Variants in ANO7 observed in about 807,000 individuals in gnomAD.
ANO7 encodes the protein anoctamin-7.
Under a neutral mutation model 115.8 loss-of-function variants are expected in ANO7, and 114 were observed. That is an observed-to-expected ratio of 0.98 (90% CI 0.85 to 1.15). The LOEUF is 1.15. Ranked by LOEUF, ANO7 falls within the 50% of genes most tolerant of loss-of-function variation. The pLI, the probability that ANO7 is intolerant of heterozygous loss-of-function variation, is 0.00. For synonymous variants in ANO7, 550 were observed against 498.2 expected (o/e 1.10, Z -1.38); for missense variants, 1,302 against 1,201.2 (o/e 1.08, Z -1.24).
intron 10 of ANO7, 58 bp downstream of exon 10, chr2:241,205,013 G>C: frequency 6.6e-7 from 1 of 1,514,466 alleles, no homozygotes; most frequent in East Asian, 2.3e-5. Context: ...GATGGGTGTG[G>C]GGCGGGGGGA....
rs1287668486 is a variant in ANO7 at position 241,209,646 on chromosome 2, C to A, written c.1359+11C>A. 4 of 1,528,340 alleles carry A rather than the reference C, an allele frequency of 2.6e-6. No homozygotes were observed. Among genetic ancestry groups the A allele is most frequent in the Non-Finnish European group, 3.5e-6 (4 of 1,141,150 alleles). The allele number at this position is 1,528,340 out of a possible 1,614,324, so 94.7% of individuals were successfully genotyped here. ...GTGATCGTGGTGATGGTATGCGGTC[C>A]CCCTGCCCTCCGCTCACGCCTCCAT... On this transcript the variant is annotated intron_variant, in intron 13 of 24. Transcript: ENST00000674324.
chr2:241,236,975 C>A, the ANO7 span, among the ~76,000 whole-genome samples: 1 of 14,836 alleles, frequency 6.7e-5, no homozygotes, highest in Admixed American at 5.8e-4. Flanking sequence ...GCTCCCAGAC[C>A]TTGGGGGGGG....
chr2:241,202,272 G>A lies in ANO7; in HGVS notation c.691G>A (p.Gly231Ser). The change falls in exon 8 of 25, where the codon GGT (glycine) becomes AGT (serine). Residue 231 changes from glycine to serine, a missense_variant. Gly to Ser is a moderately conservative substitution (Grantham distance 56). Coordinates refer to ENST00000674324, the MANE Select transcript of ANO7 (RefSeq NM_001370694.2). The part of the protein sequence containing the change: ...LLGIHQLLAE[G>S]VLSAAFPLHD... Reference sequence around the variant, plus strand: ...TGGGATCCACCAGCTGCTGGCAGAGGGTGTCCTCAGTGCCGCCTTCCCCCT... The same window carrying A: ...TGGGATCCACCAGCTGCTGGCAGAGAGTGTCCTCAGTGCCGCCTTCCCCCT... 1.9e-6 allele frequency: 3 copies of A among 1,613,454 alleles called. No individual in the cohort carries two copies. The highest frequency in any genetic ancestry group is 2.5e-6 in the Non-Finnish European group (3 of 1,179,978).
chr2:241,239,378 T>C, the ANO7 span, among the ~76,000 whole-genome samples: 47 of 149,466 alleles, frequency 3.1e-4, 1 homozygote, highest in Non-Finnish European at 4.3e-4. The surrounding 1 kb of genome is among the most constrained non-coding windows in gnomAD (Gnocchi z 4.6). Flanking sequence ...CTCTCTCTCT[T>C]TTTTTTTTTA....
the ANO7 span, chr2:241,233,793 C>CCGA: frequency 6.2e-7 from 1 of 1,613,728 alleles, no homozygotes; most frequent in Non-Finnish European, 8.5e-7. This position sits in a 1 kb window ranked among gnomAD's most constrained non-coding sequence, Gnocchi z 4.3. Context: ...ACCTCTGCCC[C>CCGA]CGACACGCTC....
rs569099439 is a variant in ANO7 at position 241,191,269 on chromosome 2, C to T, written c.166+18C>T. ...CCGGATCGGTGAGCCCCTCCCAGCA[C>T]CTGTACCACACCCGTGTTGGTCCTG... is the stretch of plus-strand genomic sequence containing the variant. On this transcript the variant is annotated intron_variant, in intron 3 of 24. Coordinates refer to ENST00000674324, the MANE Select transcript of ANO7 (RefSeq NM_001370694.2). The T allele has an allele frequency of 6.8e-6, 11 of 1,613,424 alleles. No individual in the cohort carries two copies. Among genetic ancestry groups the T allele is most frequent in the African/African-American group, 2.7e-5 (2 of 75,056 alleles).
chr2:241,238,519 A>T, the ANO7 span: 1 of 690,882 alleles, frequency 1.4e-6, no homozygotes, highest in East Asian at 2.9e-5. The surrounding 1 kb of genome is among the most constrained non-coding windows in gnomAD (Gnocchi z 4.9). Flanking sequence ...AACCTCTGGA[A>T]GCCCCCAGAA....
rs374614039 is a variant in ANO7 at position 241,203,346 on chromosome 2, C to T, written c.737C>T (p.Thr246Met). The change falls in exon 9 of 25, where the codon ACG (threonine) becomes ATG (methionine). Residue 246 changes from threonine (T) to methionine (M), a missense_variant. Coordinates refer to ENST00000674324, the MANE Select transcript of ANO7 (RefSeq NM_001370694.2). This position sits in a 1 kb window ranked among gnomAD's most constrained non-coding sequence, Gnocchi z 4.8. ...GCTCGCCCCCAGGGCCCCTTCAAGA[C>T]GCCCCCAGAGGGCCCGCAGGCTCCA... is the stretch of plus-strand genomic sequence containing the variant. ...AFPLHDGPFK[T>M]PPEGPQAPRL... 7.3e-5 allele frequency: 113 copies of T among 1,552,700 alleles called. No individual in the cohort carries two copies. The highest frequency in any genetic ancestry group is 1.3e-4 in the African/African-American group (9 of 71,804).
chr2:241,207,448 G>T (rs901809462), intron 10 of ANO7, 126 bp from the exon 11 acceptor site: 69 of 675,794 alleles, frequency 1.0e-4, no homozygotes, highest in Admixed American at 3.6e-4. Context: ...GAAATGCTGG[G>T]CCTGGCAAAG....
Position 241,217,910 on chromosome 2 carries a change from C to T in ANO7, c.2178+19C>T, listed in dbSNP as rs1480063765. 3.0e-6 allele frequency: 4 copies of T among 1,335,966 alleles called. No individual in the cohort carries two copies. The highest frequency in any genetic ancestry group is 3.3e-5 in the African/African-American group (2 of 60,870). The allele number at this position is 1,335,966 out of a possible 1,614,324, so 82.8% of individuals were successfully genotyped here. The stretch of plus-strand genomic sequence containing the variant: ...CAGCAACGTGAGGCCCGGGCGGGAG[C>T]GCGGGGCGGGGCGGGGGCGCGCAGG... On this transcript the variant is annotated intron_variant, in intron 20 of 24. Transcript: ENST00000674324.
intron 1 of ANO7, 51 bp from the exon 2 acceptor site, chr2:241,190,006 T>C (rs1206570642): frequency 1.4e-6 from 2 of 1,437,976 alleles, no homozygotes; most frequent in Admixed American, 2.0e-5. Flanking sequence ...GGAACGGGTC[T>C]CACCCATCCC....
chr2:241,195,573 G>A, intron 3 of ANO7, 130 bp from the exon 4 acceptor site: 1 of 854,086 alleles, frequency 1.2e-6, no homozygotes, highest in South Asian at 1.7e-5. Flanking sequence ...AGGGGATCGG[G>A]AAGGAACCGG....
rs1245718625 is a variant in ANO7 at position 241,205,004 on chromosome 2, A to AT, written c.980+50dup. On this transcript the variant is annotated intron_variant, in intron 10 of 24. Transcript: ENST00000674324. ...CTGGGGCCTGGTGCTGGGCCTCCAGATGGGTGTGGGGCGGGGGGACCCCTA... is the reference window on the plus strand; with the variant it reads ...CTGGGGCCTGGTGCTGGGCCTCCAGATTGGGTGTGGGGCGGGGGGACCCCTA... 3 of 1,557,916 alleles carry AT rather than the reference A, an allele frequency of 1.9e-6. No homozygotes were observed. In the Admixed American group the frequency reaches 5.0e-5, roughly 26 times the overall value.
At chr2:241,238,367 G>A in the ANO7 span, 4 of 267,908 alleles carry the variant, frequency 1.5e-5, no homozygotes, top group African/African-American at 4.4e-5. This position sits in a 1 kb window ranked among gnomAD's most constrained non-coding sequence, Gnocchi z 4.9. Flanking sequence ...GACTGAACTC[G>A]GGACACCCGA....
rs767288420 is a variant in ANO7, at chr2:241,217,775, T to A, written c.2062T>A (p.Leu688Met). Residue 688 changes from leucine to methionine, a missense_variant, in exon 20 of 25, where the codon TTG becomes ATG. By Grantham distance (15) the Leu-to-Met change is conservative (BLOSUM62 2). Transcript: ENST00000674324. ...GCTCAACAACTGGGTGGAGATCCGC[T>A]TGGACGCGCGCAAGTTCGTCTGCGA... is the stretch of plus-strand genomic sequence containing the variant. The part of the protein sequence containing the change: ...ALLNNWVEIR[L>M]DARKFVCEYR... 4.3e-6 allele frequency: 7 copies of A among 1,609,636 alleles called. No individual in the cohort carries two copies. The highest frequency in any genetic ancestry group is 5.9e-6 in the Non-Finnish European group (7 of 1,178,666).
intron 3 of ANO7, among the ~76,000 whole-genome samples, chr2:241,194,619 C>T (rs1273704046): frequency 6.6e-6 from 1 of 152,190 alleles, no homozygotes; most frequent in Non-Finnish European, 1.5e-5. Flanking sequence ...AACCCAGCCA[C>T]AATAAGATAT....
chr2:241,209,111 T>A (rs186082185), intron 11 of ANO7, among the ~76,000 whole-genome samples, 174 bp from the exon 12 acceptor site: 1 of 152,166 alleles, frequency 6.6e-6, no homozygotes, highest in Non-Finnish European at 1.5e-5. Flanking sequence ...ATCGCGCCAC[T>A]GCACTCCAGC....
chr2:241,236,827 G>A, the ANO7 span: 5 of 1,568,692 alleles, frequency 3.2e-6, no homozygotes, highest in African/African-American at 1.4e-5. Context: ...CCCACACCTT[G>A]TTCAGAATGC....
chr2:241,208,996 AAAT>A lies in ANO7; in HGVS notation c.1078-288_1078-286del, dbSNP rs1403377453. ...AACCTCGTCTCTACTAAAAATACAAAAATTTAGCCGGGCGTGGTGGCGGGCGCC... is the reference window on the plus strand; with the variant it reads ...AACCTCGTCTCTACTAAAAATACAAATTAGCCGGGCGTGGTGGCGGGCGCC... On this transcript the variant is annotated intron_variant, in intron 11 of 24. Transcript: ENST00000674324. 3.3e-5 allele frequency among the ~76,000 whole-genome samples: 5 copies of A among 152,112 alleles called. No individual in the cohort carries two copies. In the East Asian group the frequency reaches 7.7e-4, roughly 23 times the overall value.
Sources: allele counts gnomAD v4.1 joint callset (sites outside exome capture counted in the v4.1 genomes callset), GRCh38; gene constraint gnomAD v4.1.1; non-coding constraint Gnocchi (gnomAD v3.1); transcripts MANE v1.5; gene names NCBI Gene and HGNC (gene_info 2026-07-23, HGNC 2026-07-21).